MEGF11: variants seen among roughly 807,000 people sequenced by gnomAD.
MEGF11 encodes multiple EGF like domains 11.
A neutral mutation model predicts 146.6 loss-of-function variants in MEGF11; 126 were observed. The observed-to-expected ratio is 0.86, with a 90% CI of 0.74 to 1.00. The LOEUF (loss-of-function observed/expected upper bound fraction) is 1.00. MEGF11 is among the 50% of genes least tolerant of loss of function. The pLI, the probability that MEGF11 is intolerant of heterozygous loss-of-function variation, is 0.00. For synonymous variants in MEGF11, 532 were observed against 583.4 expected, an observed-to-expected ratio of 0.91 and a Z score of 1.27; for missense variants, 1,509 against 1,521.2, an observed-to-expected ratio of 0.99 and a Z score of 0.13.
At chr15:65,991,315 C>T (rs1037208174) in intron 5 of MEGF11, among the ~76,000 whole-genome samples, 1 of 152,168 alleles carries the variant, frequency 6.6e-6, no homozygotes, top group Non-Finnish European at 1.5e-5. Context: ...TCTTACTAAT[C>T]CTGTGCCAGT....
chr15:65,941,534 C>A (rs1230996801), intron 10 of MEGF11, among the ~76,000 whole-genome samples: 1 of 152,146 alleles, frequency 6.6e-6, no homozygotes, highest in Non-Finnish European at 1.5e-5. Context: ...CACTTACTGG[C>A]TGAGTCATCC....
chr15:66,215,037 G>C (rs986481310), intron 1 of MEGF11, among the ~76,000 whole-genome samples: 3 of 152,208 alleles, frequency 2.0e-5, no homozygotes, highest in African/African-American at 7.2e-5. Context: ...AAAGAGTCTT[G>C]ATGTTCTCTT....
At chr15:66,061,161 T>C (rs935197506) in intron 5 of MEGF11, among the ~76,000 whole-genome samples, 1 of 152,192 alleles carries the variant, frequency 6.6e-6, no homozygotes, top group Non-Finnish European at 1.5e-5. Flanking sequence ...GGCTGTCACC[T>C]CAAAACCTGG....
intron 10 of MEGF11, among the ~76,000 whole-genome samples, chr15:65,935,322 GAAAAAAAAAAAAAAAAAAAAAAAAA>G (rs71139449): frequency 1.7e-4 from 6 of 35,204 alleles, no homozygotes; most frequent in South Asian, 1.4e-3. Flanking sequence ...TCCGTCTCAA[GAAAAAAAAAAAAAAAAAAAAAAAAA>G]AAAAAAAAAA....
intron 5 of MEGF11, among the ~76,000 whole-genome samples, chr15:66,000,737 G>C (rs1440729427): frequency 6.6e-6 from 1 of 152,196 alleles, no homozygotes; most frequent in Non-Finnish European, 1.5e-5. Context: ...ATGGTCCTCA[G>C]GTCTTCACAA....
At chr15:66,139,897 G>A (rs2089067281) in intron 1 of MEGF11, among the ~76,000 whole-genome samples, 1 of 152,160 alleles carries the variant, frequency 6.6e-6, no homozygotes, top group Non-Finnish European at 1.5e-5. Flanking sequence ...CACTAAGTCA[G>A]GCCCAGCAGG....
chr15:66,091,976 T>A (rs1457420711), intron 5 of MEGF11, among the ~76,000 whole-genome samples: 1 of 152,222 alleles, frequency 6.6e-6, no homozygotes, highest in African/African-American at 2.4e-5. Flanking sequence ...CAATGGCTAT[T>A]ATCAACTGCT....
intron 4 of MEGF11, among the ~76,000 whole-genome samples, chr15:66,095,822 C>T (rs1035922810): frequency 6.6e-6 from 1 of 152,160 alleles, no homozygotes; most frequent in Non-Finnish European, 1.5e-5. Context: ...AGGTAGCCTT[C>T]GGGGAGGGTT....
intron 1 of MEGF11, among the ~76,000 whole-genome samples, chr15:66,194,723 TG>T (rs1171587876): frequency 6.6e-6 from 1 of 152,136 alleles, no homozygotes; most frequent in Admixed American, 6.5e-5. Flanking sequence ...CAGTGTACAC[TG>T]CTTGGGTGAC....
chr15:66,211,639 AAGCCAG>A (rs1385324653), intron 1 of MEGF11, among the ~76,000 whole-genome samples: 1 of 151,698 alleles, frequency 6.6e-6, no homozygotes, highest in Non-Finnish European at 1.5e-5. Context: ...CAGAGGTGGG[AAGCCAG>A]CCCAGTCACA....
At chr15:66,138,842 A>C (rs1174440346) in intron 1 of MEGF11, among the ~76,000 whole-genome samples, 2 of 152,204 alleles carry the variant, frequency 1.3e-5, no homozygotes, top group Non-Finnish European at 2.9e-5. Context: ...GGAAAATATC[A>C]GCATGGCTGG....
At position 65,916,184 on chromosome 15, in the gene MEGF11, A is replaced by C; in HGVS notation, c.2308T>G (p.Cys770Gly). 1 of 1,586,452 alleles carries C rather than the reference A, an allele frequency of 6.3e-7. No individual in the cohort carries two copies. Among genetic ancestry groups the C allele is most frequent in the Non-Finnish European group, 8.6e-7 (1 of 1,166,284 alleles). Residue 770 changes from cysteine to glycine, a missense_variant, in exon 18 of 26, where the codon TGC becomes GGC. Coordinates refer to ENST00000395614, the MANE Select transcript of MEGF11 (RefSeq NM_001385028.1). ...SCDHISGKCTCRTGFTGQHCE... is the reference protein window; with the variant it reads ...SCDHISGKCTGRTGFTGQHCE... ...TGTTGCCCGGTGAAGCCTGTGCGGC[A>C]GGTGCACTTGCCACTGATGTGGTCA...
At chr15:65,976,155 G>T (rs2081439384) in intron 7 of MEGF11, among the ~76,000 whole-genome samples, 1 of 149,298 alleles carries the variant, frequency 6.7e-6, no homozygotes, top group Admixed American at 6.8e-5. Context: ...CAATTCTCCT[G>T]CCTCAGCCTC....
chr15:66,123,733 G>C (rs955241267), intron 3 of MEGF11, among the ~76,000 whole-genome samples, 166 bp downstream of exon 3: 2 of 152,146 alleles, frequency 1.3e-5, no homozygotes, highest in Admixed American at 6.5e-5. Context: ...TGTACTACCC[G>C]CAAGCTCTTT....
chr15:66,061,764 T>A (rs1388514481), intron 5 of MEGF11, among the ~76,000 whole-genome samples: 3 of 151,842 alleles, frequency 2.0e-5, no homozygotes, highest in Non-Finnish European at 4.4e-5. Flanking sequence ...GCCTCCCAAG[T>A]AACTGGGACT....
rs1010826487 is a variant in MEGF11 at position 65,936,480 on chromosome 15, T to G, written c.1288-5537A>C. On this transcript the variant is annotated intron_variant, in intron 10 of 25. Coordinates refer to ENST00000395614, the MANE Select transcript of MEGF11 (RefSeq NM_001385028.1). ...ACAGGAGCAGAAGGACTTGGCACTT[T>G]CCATATGCTTTCTCTTGTATGCCAG... is the stretch of plus-strand genomic sequence containing the variant. Among the ~76,000 whole-genome samples, 4 of 152,312 alleles carry G rather than the reference T, an allele frequency of 2.6e-5. No individual in the cohort carries two copies. In the South Asian group the frequency reaches 6.2e-4, roughly 24 times the overall value.
intron 13 of MEGF11, 99 bp from the exon 14 acceptor site, chr15:65,923,068 A>G (rs762385993): frequency 6.6e-5 from 85 of 1,296,128 alleles, no homozygotes; most frequent in Non-Finnish European, 7.9e-5. Context: ...AGGTGGAGGC[A>G]AGCATAGTGC....
intron 10 of MEGF11, among the ~76,000 whole-genome samples, chr15:65,954,444 T>G (rs1280135835): frequency 6.6e-6 from 1 of 151,922 alleles, no homozygotes; most frequent in Non-Finnish European, 1.5e-5. Flanking sequence ...CATACAGGAG[T>G]GAGTCATGCT....
At chr15:65,956,737 T>C (rs1428688461) in intron 10 of MEGF11, among the ~76,000 whole-genome samples, 1 of 152,198 alleles carries the variant, frequency 6.6e-6, no homozygotes, top group African/African-American at 2.4e-5. Context: ...GCATAATTCA[T>C]GAGAAAATAC....
Sources: gnomAD v4.1 joint callset for allele counts (sites outside exome capture counted in the v4.1 genomes callset) on GRCh38, gnomAD v4.1.1 for gene constraint, MANE v1.5 for transcripts, NCBI Gene and HGNC (gene_info 2026-07-23, HGNC 2026-07-21) for gene names.